Variants in CDC42BPB observed in about 807,000 individuals in gnomAD.
CDC42BPB encodes the protein CDC42 binding protein kinase beta.
Under a neutral mutation model 214.9 loss-of-function variants are expected in CDC42BPB, and 37 were observed. That is an observed-to-expected ratio of 0.17 (90% confidence interval 0.13 to 0.23). CDC42BPB has a LOEUF of 0.23. CDC42BPB is among the 10% of genes least tolerant of loss of function. CDC42BPB has a pLI of 1.00. For missense variants in CDC42BPB, 1,694 were observed against 2,227.0 expected (o/e 0.76, Z 4.82); for synonymous variants, 931 against 884.0 (o/e 1.05, Z -0.94).
chr14:102,973,946 G>C, intron 12 of CDC42BPB, 70 bp downstream of exon 12: 1 of 1,517,060 alleles, frequency 6.6e-7, no homozygotes, highest in Non-Finnish European at 8.9e-7. Flanking sequence ...TCCATCATCG[G>C]CATGAACGTG....
chr14:102,950,809 T>C (rs917522229), intron 24 of CDC42BPB: 69 of 429,506 alleles, frequency 1.6e-4, no homozygotes, highest in Non-Finnish European at 2.1e-4. Context: ...TTATTAAAAA[T>C]ACAAAAATTA....
At chr14:102,979,262 G>A (rs937597808) in intron 8 of CDC42BPB, among the ~76,000 whole-genome samples, 3 of 149,900 alleles carry the variant, frequency 2.0e-5, no homozygotes, top group South Asian at 2.1e-4. Context: ...CACCCAGGCC[G>A]GAGTGCAGTG....
At chr14:103,038,270 G>A (rs1887783019) in intron 1 of CDC42BPB, among the ~76,000 whole-genome samples, 1 of 150,810 alleles carries the variant, frequency 6.6e-6, no homozygotes, top group Admixed American at 6.6e-5. Flanking sequence ...GGGAGGAGGC[G>A]GAGCTTGCAG....
rs113932403 is a variant in CDC42BPB at position 103,019,286 on chromosome 14, C to T, written c.176-7098G>A. On this transcript the variant is annotated intron_variant, in intron 1 of 36. Coordinates refer to ENST00000361246, the MANE Select transcript of CDC42BPB (RefSeq NM_006035.4). ...ACACGGCCGCCCTGCAGCTCAGAAG[C>T]TGGGCCAGGCTAACCAGCCAGCACT... Among the ~76,000 whole-genome samples, 743 of 152,334 alleles carry T rather than the reference C, an allele frequency of 4.9e-3. 11 individuals carry two copies. Among genetic ancestry groups the T allele is most frequent in the African/African-American group, 0.017 (695 of 41,572 alleles).
rs534229932 is a variant in CDC42BPB at position 103,053,571 on chromosome 14, C to T, written c.175+3428G>A. Among the ~76,000 whole-genome samples, 1,276 of 151,602 alleles carry T rather than the reference C, an allele frequency of 8.4e-3. 22 individuals are homozygous for T. Among genetic ancestry groups the T allele is most frequent in the African/African-American group, 0.029 (1,210 of 41,388 alleles). The stretch of plus-strand genomic sequence containing the variant: ...GGTCTGGAGATCGAGACCATCCTGG[C>T]TAACACGGTGAAACCCCGTCTCTAC... On this transcript the variant is annotated intron_variant, in intron 1 of 36. Coordinates refer to ENST00000361246, the MANE Select transcript of CDC42BPB (RefSeq NM_006035.4).
intron 20 of CDC42BPB, chr14:102,959,919 C>A: frequency 1.1e-6 from 1 of 869,682 alleles, no homozygotes; most frequent in Non-Finnish European, 1.4e-6. Flanking sequence ...GAAAAAGTAA[C>A]CAAGGGACTG....
intron 5 of CDC42BPB, among the ~76,000 whole-genome samples, chr14:102,992,078 C>T (rs1894518430): frequency 6.6e-6 from 1 of 152,146 alleles, no homozygotes; most frequent in African/African-American, 2.4e-5. Context: ...CATTCTGTCA[C>T]TGTGGAAAGT....
intron 5 of CDC42BPB, among the ~76,000 whole-genome samples, chr14:102,994,150 C>A (rs1894619079): frequency 6.6e-6 from 1 of 152,080 alleles, no homozygotes. Flanking sequence ...CGACCAGAGT[C>A]CAGGCTAAAC....
intron 27 of CDC42BPB, among the ~76,000 whole-genome samples, chr14:102,947,361 TG>T (rs1258276598): frequency 6.6e-6 from 1 of 152,080 alleles, no homozygotes; most frequent in South Asian, 2.1e-4. Context: ...TCCAATTGGC[TG>T]GGGGGCACTG....
chr14:103,015,967 C>T (rs1167389252), intron 1 of CDC42BPB, among the ~76,000 whole-genome samples: 3 of 152,062 alleles, frequency 2.0e-5, no homozygotes, highest in Admixed American at 6.6e-5. Flanking sequence ...CCGCCCACCT[C>T]GACCTCCCAA....
rs1398401591 is a variant in CDC42BPB at position 103,004,672 on chromosome 14, A to G, written c.352-649T>C. Among the ~76,000 whole-genome samples, 1 of 152,126 alleles carries G rather than the reference A, an allele frequency of 6.6e-6. No homozygotes were observed. The highest frequency in any genetic ancestry group is 2.4e-5 in the African/African-American group (1 of 41,422). On this transcript the variant is annotated intron_variant, in intron 3 of 36. Transcript: ENST00000361246. This position sits in a 1 kb window ranked among gnomAD's most constrained non-coding sequence, Gnocchi z 5.3. The stretch of plus-strand genomic sequence containing the variant: ...CACCTGAGGTCAGGAGTTCAAGACC[A>G]GCCTGGCCAACATGATGAAACCCTG...
At chr14:102,939,522 C>A in intron 34 of CDC42BPB, 88 bp downstream of exon 34, 1 of 965,004 alleles carries the variant, frequency 1.0e-6, no homozygotes, top group Non-Finnish European at 1.7e-6. Context: ...CAGGCACTGC[C>A]TTTGGGACAG....
chr14:102,941,167 C>T (rs1312588945), intron 30 of CDC42BPB: 2 of 985,358 alleles, frequency 2.0e-6, no homozygotes, highest in African/African-American at 3.5e-5. Flanking sequence ...CACAGCCCCT[C>T]AGCGTAGCTT....
intron 7 of CDC42BPB, among the ~76,000 whole-genome samples, chr14:102,981,756 G>A (rs1894014538): frequency 6.6e-6 from 1 of 152,202 alleles, no homozygotes; most frequent in African/African-American, 2.4e-5. Context: ...CAGCCTGGGT[G>A]ACAAGAGCGA....
At chr14:102,953,215 A>G (rs1005728678) in intron 23 of CDC42BPB, among the ~76,000 whole-genome samples, 1 of 152,254 alleles carries the variant, frequency 6.6e-6, no homozygotes, top group Admixed American at 6.5e-5. Context: ...CCTCAGCAGG[A>G]AACAGATGTG....
intron 1 of CDC42BPB, among the ~76,000 whole-genome samples, chr14:103,049,774 C>T (rs141036300): frequency 0.058 from 8,796 of 152,270 alleles, 521 homozygotes; most frequent in African/African-American, 0.15. Context: ...AGAGCAATGG[C>T]ACAATCTCGG....
Position 102,978,329 on chromosome 14 carries a change from G to A in CDC42BPB, c.1141-124C>T, listed in dbSNP as rs1040461564. 1.3e-5 allele frequency: 19 copies of A among 1,508,698 alleles called. No individual in the cohort carries two copies. The East Asian group carries it at 1.5e-4, about 12-fold the overall frequency. 93.5% of individuals were successfully genotyped at this position (1,508,698 alleles called of 1,614,324 possible). A position where few individuals can be genotyped will look rare whatever the true frequency, so the allele number is the denominator to read the frequency against. ...CAGAACATGTGGCCTTGGAGAATGC[G>A]GATTCCATGGTGTCCTCTGCAGGGG... On this transcript the variant is annotated intron_variant, in intron 8 of 36. Coordinates refer to ENST00000361246, the MANE Select transcript of CDC42BPB (RefSeq NM_006035.4).
At chr14:102,969,054 C>T (rs992682880) in intron 14 of CDC42BPB, among the ~76,000 whole-genome samples, 1 of 152,252 alleles carries the variant, frequency 6.6e-6, no homozygotes, top group Non-Finnish European at 1.5e-5. Flanking sequence ...TCTCTGCTCT[C>T]TTGGGGCTGG....
At chr14:103,017,497 T>C (rs1160487735) in intron 1 of CDC42BPB, among the ~76,000 whole-genome samples, 2 of 151,962 alleles carry the variant, frequency 1.3e-5, no homozygotes, top group African/African-American at 4.8e-5. Flanking sequence ...AGACATCACC[T>C]GAAATCAAGC....
Sources: gnomAD v4.1 joint callset for allele counts (sites outside exome capture counted in the v4.1 genomes callset) on GRCh38, gnomAD v4.1.1 for gene constraint, Gnocchi (gnomAD v3.1) non-coding constraint, MANE v1.5 for transcripts, NCBI Gene and HGNC (gene_info 2026-07-23, HGNC 2026-07-21) for gene names.